KCNT2: variants seen among roughly 807,000 people sequenced by gnomAD.
KCNT2 encodes potassium sodium-activated channel subfamily T member 2.
In KCNT2, 67 loss-of-function variants were observed where a neutral mutation model predicts 153.8. The observed-to-expected ratio is 0.44, with a 90% CI of 0.36 to 0.53. The LOEUF (loss-of-function observed/expected upper bound fraction) is 0.53, where lower values mean the gene tolerates loss of function less well. KCNT2 is among the 20% of genes least tolerant of loss of function. The pLI is 0.00. For missense variants in KCNT2, 975 were observed against 1,354.8 expected, an observed-to-expected ratio of 0.72 and a Z score of 4.40; for synonymous variants, 500 against 458.8, an observed-to-expected ratio of 1.09 and a Z score of -1.15.
chr1:196,239,949 A>G (rs1654800373), intron 26 of KCNT2, among the ~76,000 whole-genome samples: 2 of 152,102 alleles, frequency 1.3e-5, no homozygotes, highest in South Asian at 4.1e-4. Context: ...GGACACAGAA[A>G]GAAGGCAGCC....
intron 1 of KCNT2, among the ~76,000 whole-genome samples, chr1:196,602,236 A>ACTTTGTTCACAAACC (rs1664802431): frequency 6.6e-6 from 1 of 152,232 alleles, no homozygotes; most frequent in South Asian, 2.1e-4. Flanking sequence ...TTCAAATTGT[A>ACTTTGTTCACAAACC]AGTATATAAA....
chr1:196,576,418 T>C (rs1246427197), intron 1 of KCNT2, among the ~76,000 whole-genome samples: 1 of 152,092 alleles, frequency 6.6e-6, no homozygotes, highest in Non-Finnish European at 1.5e-5. Context: ...GGACCTAAAG[T>C]AGCTAGAAAA....
intron 25 of KCNT2, among the ~76,000 whole-genome samples, chr1:196,272,250 T>A (rs1200060082): frequency 8.6e-5 from 13 of 151,798 alleles, no homozygotes; most frequent in African/African-American, 3.1e-4. Context: ...AATTTTTATT[T>A]GAAATAGTAG....
intron 2 of KCNT2, 21 bp downstream of exon 2, chr1:196,492,241 G>A (rs1679913477): frequency 7.1e-7 from 1 of 1,399,904 alleles, no homozygotes; most frequent in Non-Finnish European, 9.4e-7. Flanking sequence ...CGAACAGAGG[G>A]GAATGAAATG....
chr1:196,265,089 T>C (rs1657411727), intron 25 of KCNT2, among the ~76,000 whole-genome samples: 1 of 152,116 alleles, frequency 6.6e-6, no homozygotes, highest in African/African-American at 2.4e-5. Context: ...TTAGTGCAGG[T>C]GTGCAATCAT....
Position 196,422,161 on chromosome 1 carries a change from G to A in KCNT2, c.1185+889C>T, listed in dbSNP as rs1399195296. Among the ~76,000 whole-genome samples, 9 of 152,124 alleles carry A rather than the reference G, an allele frequency of 5.9e-5. No individual in the cohort carries two copies. In the East Asian group the frequency reaches 1.6e-3, roughly 26 times the overall value. ...TAAACATTTTAGAAATGGATAAGTA[G>A]TTTAGGTAAATTAGAGTGAGGACAA... On this transcript the variant is annotated intron_variant, in intron 12 of 27. Coordinates refer to ENST00000294725, the MANE Select transcript of KCNT2 (RefSeq NM_198503.5).
intron 22 of KCNT2, among the ~76,000 whole-genome samples, chr1:196,296,497 A>G (rs6659890): frequency 0.014 from 2,089 of 152,136 alleles, 50 homozygotes; most frequent in African/African-American, 0.047. Flanking sequence ...AATGATACAA[A>G]TTCTACATCT....
intron 1 of KCNT2, among the ~76,000 whole-genome samples, chr1:196,536,226 G>T (rs1291002271): frequency 6.6e-6 from 1 of 152,230 alleles, no homozygotes; most frequent in Non-Finnish European, 1.5e-5. Flanking sequence ...ACCTGGTGGA[G>T]AAAGACATCT....
At chr1:196,601,914 G>A (rs943551313) in intron 1 of KCNT2, among the ~76,000 whole-genome samples, 1 of 151,962 alleles carries the variant, frequency 6.6e-6, no homozygotes, top group Non-Finnish European at 1.5e-5. Context: ...TTACCAGTAT[G>A]GATACAGTTT....
At chr1:196,509,235 C>T (rs1301438007) in intron 1 of KCNT2, among the ~76,000 whole-genome samples, 1 of 149,084 alleles carries the variant, frequency 6.7e-6, no homozygotes, top group Non-Finnish European at 1.5e-5. Context: ...TGCCACTGCC[C>T]TCCAGCCGGG....
intron 14 of KCNT2, among the ~76,000 whole-genome samples, chr1:196,348,166 T>G (rs1666298267): frequency 6.6e-6 from 1 of 151,738 alleles, no homozygotes; most frequent in Admixed American, 6.6e-5. Flanking sequence ...TGTTTAGGTC[T>G]AATGAATTAC....
intron 5 of KCNT2, among the ~76,000 whole-genome samples, chr1:196,472,634 G>A (rs1447805632): frequency 6.6e-6 from 1 of 152,058 alleles, no homozygotes; most frequent in Non-Finnish European, 1.5e-5. Flanking sequence ...TATGTCTAAA[G>A]CAAAACTTAT....
chr1:196,595,992 A>G (rs1050356625), intron 1 of KCNT2, among the ~76,000 whole-genome samples: 1 of 150,542 alleles, frequency 6.6e-6, no homozygotes, highest in African/African-American at 2.5e-5. Flanking sequence ...CTCCAGCTCC[A>G]TCCAAGTTGC....
At chr1:196,269,082 T>G (rs1447539608) in intron 25 of KCNT2, among the ~76,000 whole-genome samples, 1 of 152,136 alleles carries the variant, frequency 6.6e-6, no homozygotes, top group Non-Finnish European at 1.5e-5. Flanking sequence ...AATTACATAA[T>G]AATTAAGGGT....
rs759549315 is a variant in KCNT2 at position 196,333,843 on chromosome 1, A to G, written c.1997+4T>C. 7 of 1,574,730 alleles carry G rather than the reference A, an allele frequency of 4.4e-6. No individual in the cohort carries two copies. Among genetic ancestry groups the G allele is most frequent in the Non-Finnish European group, 6.1e-6 (7 of 1,145,760 alleles). On this transcript the variant is annotated splice_donor_region_variant and intron_variant, in intron 17 of 27. Coordinates refer to ENST00000294725, the MANE Select transcript of KCNT2 (RefSeq NM_198503.5). ...ATCTTACACCTTAGAGTATCTGAAC[A>G]TACTCTAAGTTTGAAGACATTTCTT...
chr1:196,439,081 T>G (rs902545508), intron 8 of KCNT2, among the ~76,000 whole-genome samples: 20 of 151,912 alleles, frequency 1.3e-4, no homozygotes, highest in Admixed American at 2.6e-4. Context: ...ATAACTGTGG[T>G]CAATATTCAC....
At chr1:196,550,754 T>A (rs1216534451) in intron 1 of KCNT2, among the ~76,000 whole-genome samples, 3 of 151,762 alleles carry the variant, frequency 2.0e-5, no homozygotes, top group African/African-American at 7.2e-5. Flanking sequence ...GAACCTCTGT[T>A]TCCACCAGGC....
intron 15 of KCNT2, among the ~76,000 whole-genome samples, chr1:196,341,237 C>G (rs1430315217): frequency 6.6e-6 from 1 of 151,964 alleles, no homozygotes; most frequent in East Asian, 1.9e-4. Flanking sequence ...ATACTCATAA[C>G]ACTTACATTG....
rs1654407824 is a variant in KCNT2 at position 196,236,052 on chromosome 1, T to C, written c.3230A>G (p.Gln1077Arg). The C allele has an allele frequency of 5.0e-6, 8 of 1,592,382 alleles. No individual in the cohort carries two copies. Among genetic ancestry groups the C allele is most frequent in the African/African-American group, 1.3e-5 (1 of 74,278 alleles). ...AATCAGGATGTAGGAGAGGGTACTT[T>C]GATGATCATTCATTTCATCTAGAAG... ...TVGYDEMNDH[Q>R]STLSYILINP... Residue 1077 changes from glutamine to arginine, a missense_variant, in exon 27 of 28, where the codon CAA (glutamine) becomes CGA (arginine). Physicochemically the swap from Gln to Arg is conservative, Grantham distance 43. Transcript: ENST00000294725.
Sources: gnomAD v4.1 joint callset for allele counts (sites outside exome capture counted in the v4.1 genomes callset) on GRCh38, gnomAD v4.1.1 for gene constraint, MANE v1.5 for transcripts, NCBI Gene and HGNC (gene_info 2026-07-23, HGNC 2026-07-21) for gene names.